Variants in PDE7B observed in about 807,000 individuals in gnomAD.
The protein encoded by PDE7B is 3',5'-cyclic-AMP phosphodiesterase 7B.
Under a neutral mutation model 56.2 loss-of-function variants are expected in PDE7B, and 29 were observed. The ratio of observed to expected loss-of-function variants is 0.52; its 90% CI spans 0.38 to 0.70. PDE7B has a LOEUF of 0.70. Ranked by LOEUF, PDE7B falls within the 30% of genes least tolerant of loss-of-function variation. The pLI, the probability that PDE7B is intolerant of heterozygous loss-of-function variation, is 0.00. For missense variants in PDE7B, 490 were observed against 565.0 expected (o/e 0.87, Z 1.35); for synonymous variants, 197 against 196.9 (o/e 1.00, Z 0.00).
intron 2 of PDE7B, among the ~76,000 whole-genome samples, chr6:135,976,010 C>T (rs1234671409): frequency 6.6e-6 from 1 of 152,144 alleles, no homozygotes; most frequent in African/African-American, 2.4e-5. Context: ...AAAGCAAAGT[C>T]TAGCCTCAGG....
At chr6:136,035,502 T>C (rs867664576) in intron 2 of PDE7B, among the ~76,000 whole-genome samples, 4 of 152,364 alleles carry the variant, frequency 2.6e-5, no homozygotes, top group Middle Eastern at 6.8e-3. Context: ...CCTGTTTCTA[T>C]GTGAGCCAGA....
chr6:136,146,480 C>A (rs772248984), intron 3 of PDE7B, among the ~76,000 whole-genome samples: 62 of 152,170 alleles, frequency 4.1e-4, no homozygotes, highest in Non-Finnish European at 7.5e-4. Flanking sequence ...AGAGAGAATA[C>A]ACCATTAGAA....
At chr6:135,955,107 A>T (rs1774766118) in intron 2 of PDE7B, among the ~76,000 whole-genome samples, 1 of 152,134 alleles carries the variant, frequency 6.6e-6, no homozygotes, top group Admixed American at 6.5e-5. Flanking sequence ...ACTTCAGAAA[A>T]CATGTTCAAT....
At chr6:136,049,942 A>ATT (rs34261341) in intron 2 of PDE7B, among the ~76,000 whole-genome samples, 22 of 151,088 alleles carry the variant, frequency 1.5e-4, no homozygotes, top group South Asian at 6.3e-4. Flanking sequence ...AAATCACTGC[A>ATT]TTTTTTTTTA....
intron 1 of PDE7B, among the ~76,000 whole-genome samples, chr6:135,860,117 C>T (rs9494401): frequency 0.064 from 9,667 of 151,984 alleles, 810 homozygotes; most frequent in African/African-American, 0.19. Flanking sequence ...AGTAGTTACT[C>T]AGTTCATAAT....
At chr6:136,103,451 G>T (rs1409201672) in intron 2 of PDE7B, among the ~76,000 whole-genome samples, 1 of 152,224 alleles carries the variant, frequency 6.6e-6, no homozygotes, top group African/African-American at 2.4e-5. Context: ...TTGGAGAGTA[G>T]TCAGCTGAAA....
intron 2 of PDE7B, among the ~76,000 whole-genome samples, chr6:136,057,824 C>T (rs1776764814): frequency 6.6e-6 from 1 of 152,116 alleles, no homozygotes; most frequent in Admixed American, 6.5e-5. Context: ...GCGACCTCCA[C>T]CTCCCAGGTT....
intron 8 of PDE7B, chr6:136,156,188 TG>T (rs1778601575): frequency 3.0e-6 from 1 of 336,134 alleles, no homozygotes; most frequent in African/African-American, 2.2e-5. Flanking sequence ...TGTGTGTGTG[TG>T]TGTGTGTGTG....
At chr6:135,948,702 C>G (rs1774633253) in intron 2 of PDE7B, among the ~76,000 whole-genome samples, 3 of 151,782 alleles carry the variant, frequency 2.0e-5, no homozygotes. Flanking sequence ...GTAATACATT[C>G]ATTGAAAAAT....
At chr6:135,867,158 G>C (rs1775276823) in intron 1 of PDE7B, among the ~76,000 whole-genome samples, 1 of 152,146 alleles carries the variant, frequency 6.6e-6, no homozygotes, top group African/African-American at 2.4e-5. Flanking sequence ...TAACTTGAAA[G>C]TATATGTGTG....
At chr6:136,095,486 T>G (rs1044727073) in intron 2 of PDE7B, among the ~76,000 whole-genome samples, 2 of 152,182 alleles carry the variant, frequency 1.3e-5, no homozygotes, top group African/African-American at 4.8e-5. Flanking sequence ...AGATCCCTAC[T>G]TAAAGAAACA....
chr6:136,048,079 G>A (rs1303694765), intron 2 of PDE7B, among the ~76,000 whole-genome samples: 1 of 128,674 alleles, frequency 7.8e-6, no homozygotes, highest in African/African-American at 2.6e-5. Flanking sequence ...TGGGTGGATG[G>A]ATAGATAGAT....
chr6:135,901,949 G>T lies in PDE7B; in HGVS notation c.22-45515G>T, dbSNP rs190067868. Among the ~76,000 whole-genome samples the T allele has an allele frequency of 5.3e-5, 8 of 152,194 alleles. No homozygotes were observed. The East Asian group carries it at 1.6e-3, about 30-fold the overall frequency. ...TTGGGCCCTGTCTGACCTTGGGAGT[G>T]TTCCTGAATCTCTAAGTTTCAGCTT... is the stretch of plus-strand genomic sequence containing the variant. On this transcript the variant is annotated intron_variant, in intron 1 of 12. Transcript: ENST00000308191.
At chr6:136,009,192 A>G (rs1224185092) in intron 2 of PDE7B, among the ~76,000 whole-genome samples, 1 of 151,790 alleles carries the variant, frequency 6.6e-6, no homozygotes, top group Non-Finnish European at 1.5e-5. Context: ...CCATTGGTCT[A>G]TATCTCTGTT....
chr6:136,018,051 A>G (rs776021868), intron 2 of PDE7B, among the ~76,000 whole-genome samples: 3 of 152,190 alleles, frequency 2.0e-5, no homozygotes, highest in Non-Finnish European at 1.5e-5. Flanking sequence ...GGAAAATTTC[A>G]ATAGCGTCAA....
chr6:135,939,438 T>C (rs1213820196), intron 1 of PDE7B, among the ~76,000 whole-genome samples: 1 of 152,168 alleles, frequency 6.6e-6, no homozygotes, highest in Non-Finnish European at 1.5e-5. Context: ...TCTGACGTTT[T>C]AACAGCCTGC....
At chr6:136,141,985 G>A (rs557849024) in intron 3 of PDE7B, among the ~76,000 whole-genome samples, 2 of 151,930 alleles carry the variant, frequency 1.3e-5, no homozygotes, top group African/African-American at 4.8e-5. Context: ...GTTATTTCTT[G>A]CCTTCTGCTA....
chr6:136,048,694 T>C (rs972653060), intron 2 of PDE7B, among the ~76,000 whole-genome samples: 2 of 152,162 alleles, frequency 1.3e-5, no homozygotes, highest in African/African-American at 4.8e-5. Flanking sequence ...ATTTTACATT[T>C]TAGAAAGATC....
At chr6:136,085,572 T>C (rs772466965) in intron 2 of PDE7B, among the ~76,000 whole-genome samples, 3 of 152,176 alleles carry the variant, frequency 2.0e-5, no homozygotes, top group Non-Finnish European at 2.9e-5. Flanking sequence ...TGACTTTTGG[T>C]TGATGGAATC....
Sources: allele counts gnomAD v4.1 joint callset (sites outside exome capture counted in the v4.1 genomes callset), GRCh38; gene constraint gnomAD v4.1.1; transcripts MANE v1.5; gene names NCBI Gene and HGNC (gene_info 2026-07-23, HGNC 2026-07-21).